ST6GAL1: variants seen among roughly 807,000 people sequenced by gnomAD.
ST6GAL1 encodes ST6 beta-galactoside alpha-2,6-sialyltransferase 1, also known as beta-galactoside alpha-2,6-sialyltransferase 1.
In ST6GAL1, 20 loss-of-function variants were observed where a neutral mutation model predicts 38.0. That is an observed-to-expected ratio of 0.53 (90% confidence interval 0.37 to 0.77). The LOEUF is 0.77. ST6GAL1 is among the 30% of genes least tolerant of loss of function. The pLI is 0.00. For missense variants in ST6GAL1, 432 were observed against 496.4 expected (o/e 0.87, Z 1.23); for synonymous variants, 196 against 188.2 (o/e 1.04, Z -0.34).
chr3:186,985,098 A>G (rs968958888), intron 2 of ST6GAL1, among the ~76,000 whole-genome samples: 4 of 151,492 alleles, frequency 2.6e-5, no homozygotes, highest in Admixed American at 2.0e-4. Context: ...TAGTAGAGAT[A>G]GGGTTTCACC....
At chr3:186,987,294 A>G (rs577934424) in intron 2 of ST6GAL1, among the ~76,000 whole-genome samples, 14 of 152,300 alleles carry the variant, frequency 9.2e-5, no homozygotes, top group African/African-American at 3.1e-4. Context: ...GTTAGTAAGT[A>G]TCTTATGTCC....
intron 5 of ST6GAL1, among the ~76,000 whole-genome samples, chr3:187,057,208 C>A (rs1176457513): frequency 1.3e-5 from 2 of 152,100 alleles, no homozygotes; most frequent in Non-Finnish European, 2.9e-5. Flanking sequence ...TTCATCTAAT[C>A]TTTTTTCAAG....
At chr3:187,024,345 G>T (rs1399621496) in intron 2 of ST6GAL1, among the ~76,000 whole-genome samples, 1 of 151,022 alleles carries the variant, frequency 6.6e-6, no homozygotes, top group African/African-American at 2.4e-5. Flanking sequence ...TGCCCGCCTC[G>T]GCCTCCCAAA....
intron 2 of ST6GAL1, among the ~76,000 whole-genome samples, chr3:187,011,624 A>G (rs1426996774): frequency 6.6e-6 from 1 of 152,222 alleles, no homozygotes; most frequent in Non-Finnish European, 1.5e-5. Flanking sequence ...GGGTTCCTTC[A>G]CACAGGGAAG....
At chr3:187,014,205 C>T (rs1040139675) in intron 2 of ST6GAL1, among the ~76,000 whole-genome samples, 5 of 152,224 alleles carry the variant, frequency 3.3e-5, no homozygotes, top group African/African-American at 1.2e-4. Flanking sequence ...CCCCGACTGT[C>T]ATGTAATTTG....
chr3:186,973,186 C>T (rs760587672), intron 2 of ST6GAL1, among the ~76,000 whole-genome samples: 10 of 152,194 alleles, frequency 6.6e-5, no homozygotes, highest in Non-Finnish European at 1.3e-4. Flanking sequence ...CAGGCGCCCG[C>T]CATCATGCCC....
At chr3:187,043,888 C>T (rs1311150786) in intron 4 of ST6GAL1, 1 of 152,200 alleles carries the variant, frequency 6.6e-6, no homozygotes, top group African/African-American at 2.4e-5. Flanking sequence ...GGGTAATTTT[C>T]AGCTTTTCTC....
At chr3:187,046,385 A>C (rs577006795) in intron 4 of ST6GAL1, among the ~76,000 whole-genome samples, 1 of 152,200 alleles carries the variant, frequency 6.6e-6, no homozygotes, top group Non-Finnish European at 1.5e-5. Flanking sequence ...CCCTGGGTAG[A>C]TATCTATGCT....
chr3:187,014,316 A>G (rs1717053513), intron 2 of ST6GAL1, among the ~76,000 whole-genome samples: 1 of 152,116 alleles, frequency 6.6e-6, no homozygotes, highest in Admixed American at 6.5e-5. Context: ...ATTCCTCCAA[A>G]CTGAGCCTTG....
chr3:187,059,707 A>T (rs1360087963), intron 5 of ST6GAL1, among the ~76,000 whole-genome samples: 1 of 152,250 alleles, frequency 6.6e-6, no homozygotes, highest in Admixed American at 6.5e-5. Context: ...AGCACTTAGA[A>T]CAATACCTGG....
chr3:186,946,799 A>G (rs1387100125), intron 1 of ST6GAL1, among the ~76,000 whole-genome samples: 1 of 152,158 alleles, frequency 6.6e-6, no homozygotes, highest in East Asian at 1.9e-4. Context: ...ACCATTAAAA[A>G]CTGGTTCCTG....
Position 187,043,132 on chromosome 3 carries a change from C to A in ST6GAL1, c.429C>A (p.His143Gln), listed in dbSNP as rs377510121. The change falls in exon 4 of 8, where the codon CAC becomes CAA. Residue 143 changes from histidine (H) to glutamine (Q), a missense_variant. By Grantham distance (24) the His-to-Gln change is conservative. Coordinates refer to ENST00000169298, the MANE Select transcript of ST6GAL1 (RefSeq NM_173216.2). ...TCAGTGCAGAGGCCCTGCGCTGCCA[C>A]CTCCGGGACCATGTGAATGTATCCA... is the stretch of plus-strand genomic sequence containing the variant. ...IKFSAEALRC[H>Q]LRDHVNVSMV... The A allele has an allele frequency of 4.2e-5, 68 of 1,614,144 alleles. No individual in the cohort carries two copies. Among genetic ancestry groups the A allele is most frequent in the Non-Finnish European group, 5.3e-5 (63 of 1,180,048 alleles).
At chr3:187,041,590 T>G (rs1718125487) in intron 3 of ST6GAL1, among the ~76,000 whole-genome samples, 1 of 152,226 alleles carries the variant, frequency 6.6e-6, no homozygotes, top group Non-Finnish European at 1.5e-5. Context: ...TTCCAGAGCT[T>G]CTTGCAGTTC....
At chr3:186,954,076 A>G (rs1478240908) in intron 1 of ST6GAL1, among the ~76,000 whole-genome samples, 1 of 151,838 alleles carries the variant, frequency 6.6e-6, no homozygotes, top group Non-Finnish European at 1.5e-5. Context: ...GTGAGAACAT[A>G]TGGTGTTTGA....
chr3:186,939,631 G>C (rs61693455), intron 1 of ST6GAL1, among the ~76,000 whole-genome samples: 16,711 of 152,206 alleles, frequency 0.11, 1,407 homozygotes, highest in African/African-American at 0.24. Context: ...ACCTAAATCA[G>C]ACTCGAGCCC....
At chr3:187,036,209 TCA>T (rs1459382889) in intron 2 of ST6GAL1, among the ~76,000 whole-genome samples, 1 of 152,130 alleles carries the variant, frequency 6.6e-6, no homozygotes, top group African/African-American at 2.4e-5. Flanking sequence ...AGATACCCCC[TCA>T]CGTCAGTCAG....
chr3:187,059,472 G>T (rs917689326), intron 5 of ST6GAL1, among the ~76,000 whole-genome samples: 3 of 152,214 alleles, frequency 2.0e-5, no homozygotes, highest in African/African-American at 7.2e-5. Context: ...ATATCCAGGA[G>T]AGATGTTCAT....
intron 2 of ST6GAL1, among the ~76,000 whole-genome samples, chr3:187,013,880 C>T (rs979426410): frequency 1.3e-5 from 2 of 152,208 alleles, no homozygotes; most frequent in Non-Finnish European, 2.9e-5. Flanking sequence ...CCACCGCACC[C>T]GGCCGCAAAT....
chr3:186,999,660 T>C (rs1003014829), intron 2 of ST6GAL1, among the ~76,000 whole-genome samples: 2 of 152,078 alleles, frequency 1.3e-5, no homozygotes, highest in Admixed American at 6.6e-5. Flanking sequence ...CCTCCCGTCT[T>C]GGCCTCCTAA....
Sources: allele counts gnomAD v4.1 joint callset (sites outside exome capture counted in the v4.1 genomes callset), GRCh38; gene constraint gnomAD v4.1.1; transcripts MANE v1.5; gene names NCBI Gene and HGNC (gene_info 2026-07-23, HGNC 2026-07-21).